The following LAMA2 variants were observed in gnomAD, a reference collection of about 807,000 sequenced individuals.
LAMA2 encodes the protein laminin subunit alpha 2, also known as laminin subunit alpha-2.
Under a neutral mutation model 364.8 loss-of-function variants are expected in LAMA2, and 269 were observed. The ratio of observed to expected loss-of-function variants is 0.74; its 90% confidence interval spans 0.67 to 0.82. LAMA2 has a LOEUF of 0.82. LAMA2 is among the 40% of genes least tolerant of loss of function. LAMA2 has a pLI of 0.00. For synonymous variants in LAMA2, 1,379 were observed against 1,370.6 expected (o/e 1.01, Z -0.14); for missense variants, 3,807 against 3,873.2 (o/e 0.98, Z 0.45).
intron 36 of LAMA2, 50 bp from the exon 37 acceptor site, chr6:129,392,995 A>G: frequency 1.4e-6 from 2 of 1,417,768 alleles, no homozygotes; most frequent in Admixed American, 3.4e-5. Flanking sequence ...ATAAACCCTA[A>G]GGCAGTGACA....
chr6:129,404,131 A>G (rs111923405), intron 40 of LAMA2, among the ~76,000 whole-genome samples, 172 bp downstream of exon 40: 23 of 152,192 alleles, frequency 1.5e-4, no homozygotes, highest in Non-Finnish European at 2.6e-4. Context: ...TAATTATAGC[A>G]GAACTCTTTT....
intron 12 of LAMA2, among the ~76,000 whole-genome samples, chr6:129,205,798 G>A (rs1782604238): frequency 6.6e-6 from 1 of 152,030 alleles, no homozygotes; most frequent in Non-Finnish European, 1.5e-5. Flanking sequence ...GTTGAGACAG[G>A]CAGATCACTG....
chr6:129,451,320 T>C (rs554772961), intron 45 of LAMA2, among the ~76,000 whole-genome samples: 1 of 152,334 alleles, frequency 6.6e-6, no homozygotes, highest in South Asian at 2.1e-4. Context: ...TCCAGAAGAC[T>C]GTCTCCCTAG....
intron 29 of LAMA2, among the ~76,000 whole-genome samples, chr6:129,340,856 A>AAAAAG (rs201950207): frequency 1.5e-4 from 22 of 149,778 alleles, no homozygotes; most frequent in African/African-American, 4.7e-4. Context: ...AAAAAAAGAG[A>AAAAAG]AAAAGAAAAG....
chr6:129,475,378 C>A lies in LAMA2; in HGVS notation c.7440-12C>A. 1 of 1,457,686 alleles carries A rather than the reference C, an allele frequency of 6.9e-7. No homozygotes were observed. Among genetic ancestry groups the A allele is most frequent in the Non-Finnish European group, 9.4e-7 (1 of 1,061,242 alleles). 90.3% of individuals were successfully genotyped at this position (1,457,686 alleles called of 1,614,324 possible). A position where few individuals can be genotyped will look rare whatever the true frequency, so the allele number is the denominator to read the frequency against. ...TATTTTTGTTTTTTTTTTCCTCTTT[C>A]CCGTTATCTAGTATGAAAGCAAGGT... On this transcript the variant is annotated splice_polypyrimidine_tract_variant and intron_variant, in intron 52 of 64. Transcript: ENST00000421865.
intron 8 of LAMA2, 58 bp downstream of exon 8, chr6:129,154,741 GT>G: frequency 7.5e-7 from 1 of 1,338,372 alleles, no homozygotes; most frequent in Non-Finnish European, 1.1e-6. Context: ...ATACAAAAAT[GT>G]TTTATACAAA....
At chr6:129,238,914 T>C (rs1785205738) in intron 12 of LAMA2, among the ~76,000 whole-genome samples, 1 of 152,090 alleles carries the variant, frequency 6.6e-6, no homozygotes, top group Non-Finnish European at 1.5e-5. Flanking sequence ...TTGTATTATC[T>C]GTAGCTTGCT....
intron 3 of LAMA2, among the ~76,000 whole-genome samples, chr6:129,086,698 T>C (rs1187608655): frequency 6.6e-6 from 1 of 152,210 alleles, no homozygotes; most frequent in African/African-American, 2.4e-5. Flanking sequence ...AGTGTATCAG[T>C]TTTCTTTTGT....
chr6:129,434,983 C>G (rs1215180394), intron 41 of LAMA2, among the ~76,000 whole-genome samples: 1 of 151,812 alleles, frequency 6.6e-6, no homozygotes, highest in African/African-American at 2.4e-5. Flanking sequence ...GGAATATACA[C>G]ATTGTAACTT....
chr6:129,383,891 G>A (rs755826684), intron 35 of LAMA2, among the ~76,000 whole-genome samples: 30 of 152,276 alleles, frequency 2.0e-4, no homozygotes, highest in Non-Finnish European at 2.8e-4. Context: ...TATAATAAAC[G>A]TGCATGCATG....
intron 1 of LAMA2, among the ~76,000 whole-genome samples, chr6:129,048,822 C>T (rs1352209250): frequency 6.6e-6 from 1 of 151,878 alleles, no homozygotes; most frequent in Non-Finnish European, 1.5e-5. Context: ...ACCATGTTGG[C>T]CAGACTGGTC....
chr6:129,436,029 T>C (rs1781815124), intron 41 of LAMA2, among the ~76,000 whole-genome samples: 2 of 152,190 alleles, frequency 1.3e-5, no homozygotes, highest in South Asian at 4.1e-4. Flanking sequence ...AGGAAAGTGA[T>C]GAAAATCAGT....
chr6:129,251,028 C>T (rs9483003), intron 13 of LAMA2, among the ~76,000 whole-genome samples: 1 of 131,640 alleles, frequency 7.6e-6, no homozygotes, highest in African/African-American at 2.8e-5. Flanking sequence ...CTCTCTCTCT[C>T]TGTCTCTCTC....
At chr6:129,219,814 C>T (rs188890156) in intron 12 of LAMA2, among the ~76,000 whole-genome samples, 6,152 of 63,870 alleles carry the variant, frequency 0.096, 224 homozygotes, top group Middle Eastern at 0.18. Flanking sequence ...ACATCACACT[C>T]TGGGGACTGT....
chr6:129,345,279 G>A (rs1224246993), intron 30 of LAMA2, among the ~76,000 whole-genome samples: 1 of 152,110 alleles, frequency 6.6e-6, no homozygotes, highest in African/African-American at 2.4e-5. Flanking sequence ...ATGACTTGCA[G>A]CTTTTGGCTC....
At chr6:129,309,902 A>ATTTTTTTTTTT (rs993652081) in intron 22 of LAMA2, among the ~76,000 whole-genome samples, 112 of 135,740 alleles carry the variant, frequency 8.3e-4, no homozygotes, top group East Asian at 6.7e-3. Flanking sequence ...CCTGATAATC[A>ATTTTTTTTTTT]TTTTTTTTTT....
chr6:128,910,715 G>T (rs529210135), intron 1 of LAMA2, among the ~76,000 whole-genome samples: 8 of 152,034 alleles, frequency 5.3e-5, no homozygotes, highest in African/African-American at 1.2e-4. Flanking sequence ...GAGGCGCTCT[G>T]CTTTTTAGAG....
chr6:128,912,980 G>T (rs752901464), intron 1 of LAMA2, among the ~76,000 whole-genome samples: 1 of 150,976 alleles, frequency 6.6e-6, no homozygotes, highest in East Asian at 1.9e-4. Context: ...GTTAAAACAG[G>T]GTTGACAAAT....
At position 129,366,375 on chromosome 6, in the gene LAMA2, G is replaced by A; in HGVS notation, c.4860+14G>A. The A allele has an allele frequency of 6.2e-7, 1 of 1,613,086 alleles. No homozygotes were observed. Among genetic ancestry groups the A allele is most frequent in the Non-Finnish European group, 8.5e-7 (1 of 1,179,828 alleles). On this transcript the variant is annotated intron_variant, in intron 33 of 64. Coordinates refer to ENST00000421865, the MANE Select transcript of LAMA2 (RefSeq NM_000426.4). ...CAGGAGCTAAAGGTAGGTTGGTGCA[G>A]TCACAAGCAAGGGCCAGGGACAAGG... is the stretch of plus-strand genomic sequence containing the variant.
Sources: allele counts gnomAD v4.1 joint callset (sites outside exome capture counted in the v4.1 genomes callset), GRCh38; gene constraint gnomAD v4.1.1; transcripts MANE v1.5; gene names NCBI Gene and HGNC (gene_info 2026-07-23, HGNC 2026-07-21).